CCSER1: variants seen among roughly 807,000 people sequenced by gnomAD.
CCSER1 encodes the protein coiled-coil serine rich protein 1, also known as serine-rich coiled-coil domain-containing protein 1.
CCSER1 carries 41 observed loss-of-function variants against 82.0 expected under a neutral mutation model. That is an observed-to-expected ratio of 0.50 (90% CI 0.39 to 0.65). The LOEUF is 0.65. Ranked by LOEUF, CCSER1 falls within the 30% of genes least tolerant of loss-of-function variation. The pLI, the probability that CCSER1 is intolerant of heterozygous loss-of-function variation, is 0.00. For synonymous variants in CCSER1, 414 were observed against 383.9 expected (o/e 1.08, Z -0.92); for missense variants, 1,119 against 1,064.2 (o/e 1.05, Z -0.72).
intron 3 of CCSER1, among the ~76,000 whole-genome samples, chr4:90,354,825 A>T (rs1431220373): frequency 6.6e-6 from 1 of 151,852 alleles, no homozygotes; most frequent in South Asian, 2.1e-4. Context: ...GAACGATTCT[A>T]TCTCTATTAG....
intron 9 of CCSER1, among the ~76,000 whole-genome samples, chr4:90,977,820 C>A (rs899831959): frequency 6.6e-6 from 1 of 151,618 alleles, no homozygotes; most frequent in Non-Finnish European, 1.5e-5. Flanking sequence ...TAATAGATGA[C>A]AATAGATTAG....
At chr4:90,414,355 C>G (rs1755475570) in intron 4 of CCSER1, among the ~76,000 whole-genome samples, 1 of 151,376 alleles carries the variant, frequency 6.6e-6, no homozygotes, top group Non-Finnish European at 1.5e-5. Context: ...TTTCTGGAAA[C>G]CATTTTTTGT....
At chr4:90,825,050 A>C (rs936771666) in intron 8 of CCSER1, among the ~76,000 whole-genome samples, 1 of 152,194 alleles carries the variant, frequency 6.6e-6, no homozygotes, top group African/African-American at 2.4e-5. Context: ...CCTGATGAAG[A>C]GCTGCCAAAA....
At chr4:91,489,058 G>GA (rs1758371319) in intron 10 of CCSER1, among the ~76,000 whole-genome samples, 2 of 152,246 alleles carry the variant, frequency 1.3e-5, no homozygotes, top group South Asian at 2.1e-4. Context: ...GCGAGTCCTA[G>GA]AAAAAAAGTG....
chr4:91,079,245 C>G (rs1010107232), intron 9 of CCSER1, among the ~76,000 whole-genome samples: 3 of 151,880 alleles, frequency 2.0e-5, no homozygotes, highest in African/African-American at 7.3e-5. Context: ...ACTCTACACA[C>G]CAGAAGAGAG....
intron 1 of CCSER1, among the ~76,000 whole-genome samples, chr4:90,191,445 A>G (rs1416836284): frequency 1.3e-5 from 2 of 152,038 alleles, no homozygotes; most frequent in Admixed American, 1.3e-4. Context: ...TAATTTATGC[A>G]TAAGACAGAA....
chr4:90,401,918 T>G (rs1752931865), intron 4 of CCSER1, among the ~76,000 whole-genome samples: 1 of 152,234 alleles, frequency 6.6e-6, no homozygotes, highest in Non-Finnish European at 1.5e-5. Context: ...TGATCAATTC[T>G]CTAACATCAC....
At chr4:91,414,548 A>G (rs543567948) in intron 10 of CCSER1, among the ~76,000 whole-genome samples, 1 of 152,262 alleles carries the variant, frequency 6.6e-6, no homozygotes, top group African/African-American at 2.4e-5. Context: ...CAAAATGGCA[A>G]TAGTAAGACT....
intron 1 of CCSER1, among the ~76,000 whole-genome samples, chr4:90,231,079 T>C (rs1744425864): frequency 6.6e-6 from 1 of 152,014 alleles, no homozygotes; most frequent in African/African-American, 2.4e-5. Context: ...CTGAAACTAT[T>C]CCAATCAACA....
chr4:90,667,757 G>T (rs927291998), intron 6 of CCSER1, among the ~76,000 whole-genome samples: 1 of 152,104 alleles, frequency 6.6e-6, no homozygotes, highest in Non-Finnish European at 1.5e-5. Flanking sequence ...GGGCATTTAG[G>T]TTGGTTCCAA....
chr4:90,783,319 C>T (rs1176756123), intron 7 of CCSER1, among the ~76,000 whole-genome samples: 2 of 152,122 alleles, frequency 1.3e-5, no homozygotes, highest in Non-Finnish European at 2.9e-5. Context: ...CTGCTACTCC[C>T]AAATCTAGAA....
chr4:91,405,289 A>AC (rs1752625816), intron 10 of CCSER1, among the ~76,000 whole-genome samples: 1 of 151,274 alleles, frequency 6.6e-6, no homozygotes, highest in Non-Finnish European at 1.5e-5. Flanking sequence ...CCTTCCTTAC[A>AC]CCTTATACAA....
At chr4:91,372,716 A>T (rs1228193813) in intron 10 of CCSER1, among the ~76,000 whole-genome samples, 1 of 152,142 alleles carries the variant, frequency 6.6e-6, no homozygotes, top group East Asian at 1.9e-4. Context: ...TCATAAACTG[A>T]TGGAATATAA....
intron 10 of CCSER1, among the ~76,000 whole-genome samples, chr4:91,155,391 G>T (rs1388915147): frequency 6.6e-6 from 1 of 151,884 alleles, no homozygotes; most frequent in Admixed American, 6.6e-5. Context: ...CCAGCCATGT[G>T]GAACTGTGAG....
At chr4:91,112,363 GT>G (rs1221559382) in intron 10 of CCSER1, among the ~76,000 whole-genome samples, 1 of 151,830 alleles carries the variant, frequency 6.6e-6, no homozygotes, top group Non-Finnish European at 1.5e-5. Context: ...CGGTTCTTAA[GT>G]TTTTATCTAA....
At chr4:91,225,385 A>G (rs1242021232) in intron 10 of CCSER1, among the ~76,000 whole-genome samples, 1 of 139,360 alleles carries the variant, frequency 7.2e-6, no homozygotes, top group Non-Finnish European at 1.5e-5. Context: ...TATATGATAT[A>G]ATATATATAT....
intron 3 of CCSER1, among the ~76,000 whole-genome samples, chr4:90,320,937 T>A (rs1440060400): frequency 6.6e-6 from 1 of 152,086 alleles, no homozygotes; most frequent in East Asian, 1.9e-4. Flanking sequence ...TACAGGTACA[T>A]AATAGGTGGA....
chr4:90,578,981 G>T (rs1050440259), intron 5 of CCSER1, among the ~76,000 whole-genome samples: 1 of 66,206 alleles, frequency 1.5e-5, no homozygotes, highest in African/African-American at 1.7e-4. Context: ...CATATTTTTA[G>T]TGCTTATAAA....
chr4:91,428,076 T>G (rs1277190949), intron 10 of CCSER1, among the ~76,000 whole-genome samples: 1 of 152,068 alleles, frequency 6.6e-6, no homozygotes, highest in Non-Finnish European at 1.5e-5. Context: ...TTGAATTTGG[T>G]AATACTTGAC....
Sources: allele counts gnomAD v4.1 joint callset (sites outside exome capture counted in the v4.1 genomes callset), GRCh38; gene constraint gnomAD v4.1.1; transcripts MANE v1.5; gene names NCBI Gene and HGNC (gene_info 2026-07-23, HGNC 2026-07-21).